CEACAM21: variants seen among roughly 807,000 people sequenced by gnomAD.
CEACAM21 encodes cell adhesion molecule CEACAM21.
A neutral mutation model predicts 33.2 loss-of-function variants in CEACAM21; 38 were observed. The ratio of observed to expected loss-of-function variants is 1.14; its 90% CI spans 0.88 to 1.50. The LOEUF is 1.50. CEACAM21 is among the 40% of genes most tolerant of loss of function. CEACAM21 has a pLI of 0.00. For missense variants in CEACAM21, 385 were observed against 364.6 expected (o/e 1.06, Z -0.46); for synonymous variants, 156 against 143.0 (o/e 1.09, Z -0.65).
chr19:41,585,636 C>A, intron 5 of CEACAM21, 141 bp downstream of exon 5: 2 of 1,096,880 alleles, frequency 1.8e-6, no homozygotes, highest in Non-Finnish European at 2.7e-6. Context: ...ACACAGGAAA[C>A]CCCAACTGGC....
At chr19:41,562,454 A>G (rs1156427158) in intron 1 of CEACAM21, among the ~76,000 whole-genome samples, 3 of 152,198 alleles carry the variant, frequency 2.0e-5, no homozygotes, top group African/African-American at 4.8e-5. Flanking sequence ...AAGATGTCAC[A>G]TCCTAAAATT....
At chr19:41,553,393 T>A (rs140912709) in intron 1 of CEACAM21, among the ~76,000 whole-genome samples, 2 of 152,182 alleles carry the variant, frequency 1.3e-5, no homozygotes, top group Non-Finnish European at 2.9e-5. Flanking sequence ...AGTGAGCCAC[T>A]GCACCCGACC....
At chr19:41,576,071 C>A, upstream of CEACAM21, 1 of 607,690 alleles carries the variant, frequency 1.6e-6, no homozygotes, top group Non-Finnish European at 2.9e-6. Flanking sequence ...ACAAGGGAGG[C>A]AGGACTGAGA....
intron 1 of CEACAM21, among the ~76,000 whole-genome samples, chr19:41,561,668 C>T (rs2041891031): frequency 6.6e-6 from 1 of 152,322 alleles, no homozygotes; most frequent in African/African-American, 2.4e-5. Context: ...CAAGTTGTCT[C>T]ATAAAGCTCT....
chr19:41,580,674 C>A (rs1230475881), intron 3 of CEACAM21, among the ~76,000 whole-genome samples: 1 of 152,178 alleles, frequency 6.6e-6, no homozygotes, highest in Non-Finnish European at 1.5e-5. Flanking sequence ...AGCTTCCATG[C>A]CCTCCCCAGA....
chr19:41,585,644 G>A (rs1555795150), intron 5 of CEACAM21, 149 bp downstream of exon 5: 2 of 1,077,064 alleles, frequency 1.9e-6, no homozygotes, highest in Non-Finnish European at 2.7e-6. Flanking sequence ...AACCCCAACT[G>A]GCCGGGTCAG....
intron 1 of CEACAM21, among the ~76,000 whole-genome samples, chr19:41,556,565 A>G (rs1254492582): frequency 1.3e-5 from 2 of 152,274 alleles, no homozygotes; most frequent in Non-Finnish European, 2.9e-5. Context: ...GCCAACACAA[A>G]GAATTGCGAT....
chr19:41,571,530 C>G (rs577052296), upstream of CEACAM21, among the ~76,000 whole-genome samples: 1 of 152,294 alleles, frequency 6.6e-6, no homozygotes, highest in South Asian at 2.1e-4. Flanking sequence ...CTCTGATGCT[C>G]TCACCATCCT....
At chr19:41,586,373 C>A in intron 6 of CEACAM21, 91 bp from the exon 7 acceptor site, 2 of 611,232 alleles carry the variant, frequency 3.3e-6, no homozygotes, top group South Asian at 1.4e-5. Context: ...CAGGTTCAGT[C>A]CCAGAGTAGC....
At chr19:41,576,562 A>G (rs782523670) in intron 1 of CEACAM21, among the ~76,000 whole-genome samples, 1 of 152,258 alleles carries the variant, frequency 6.6e-6, no homozygotes, top group African/African-American at 2.4e-5. Flanking sequence ...AGTGGCCACT[A>G]CACTTTGAAA....
chr19:41,567,646 A>G (rs897666994), intron 2 of CEACAM21, among the ~76,000 whole-genome samples: 1 of 152,188 alleles, frequency 6.6e-6, no homozygotes, highest in African/African-American at 2.4e-5. Context: ...GGTCACCTAT[A>G]TTTGGTTACC....
At chr19:41,583,440 G>A (rs62119454) in intron 3 of CEACAM21, among the ~76,000 whole-genome samples, 4,482 of 152,142 alleles carry the variant, frequency 0.029, 159 homozygotes, top group African/African-American at 0.089. Context: ...ACATTTTCAG[G>A]TATCTTTATA....
intron 1 of CEACAM21, chr19:41,552,196 T>C (rs1555784547): frequency 6.6e-6 from 1 of 152,204 alleles, no homozygotes; most frequent in Non-Finnish European, 1.5e-5. Flanking sequence ...GACCTTTCTC[T>C]GGAGCCTCAG....
intron 3 of CEACAM21, among the ~76,000 whole-genome samples, chr19:41,583,191 AC>A (rs1428741346): frequency 6.6e-6 from 1 of 152,192 alleles, no homozygotes; most frequent in Non-Finnish European, 1.5e-5. Context: ...GGGGCAAAAT[AC>A]CACCAATCTC....
chr19:41,573,062 GAGA>G (rs1242192589), upstream of CEACAM21, among the ~76,000 whole-genome samples: 2 of 152,202 alleles, frequency 1.3e-5, no homozygotes, highest in Non-Finnish European at 2.9e-5. Flanking sequence ...GGCAATGAGA[GAGA>G]AGGAGATGGA....
At chr19:41,563,409 G>C (rs2042026800) in intron 1 of CEACAM21, among the ~76,000 whole-genome samples, 1 of 152,210 alleles carries the variant, frequency 6.6e-6, no homozygotes, top group African/African-American at 2.4e-5. Context: ...ATCCCAGCCA[G>C]GGAAGGAACC....
Position 41,586,612 on chromosome 19 carries a change from G to A in CEACAM21, c.*149G>A, listed in dbSNP as rs2070752200. On this transcript the variant is annotated 3_prime_UTR_variant, in exon 7 of 7. Coordinates refer to ENST00000401445, the MANE Select transcript of CEACAM21 (RefSeq NM_001098506.4). ...GGGGATGGGGAAGGACATGGAGCCT[G>A]AGCCAGAGAACCAGCTCTGAGTCCT... 2 of 578,382 alleles carry A rather than the reference G, an allele frequency of 3.5e-6. No homozygotes were observed. The highest frequency in any genetic ancestry group is 6.7e-6 in the Non-Finnish European group (2 of 296,298). 35.8% of individuals were successfully genotyped at this position (578,382 alleles called of 1,614,324 possible). A position where few individuals can be genotyped will look rare whatever the true frequency, so the allele number is the denominator to read the frequency against.
chr19:41,562,373 G>T (rs755479686), intron 1 of CEACAM21, among the ~76,000 whole-genome samples: 47 of 151,116 alleles, frequency 3.1e-4, no homozygotes, highest in Non-Finnish European at 4.3e-4. Flanking sequence ...AGTTGACAAA[G>T]AATCTGTGTC....
At chr19:41,562,734 CT>C (rs59956903) in intron 1 of CEACAM21, among the ~76,000 whole-genome samples, 32,793 of 146,466 alleles carry the variant, frequency 0.22, 6,587 homozygotes, top group African/African-American at 0.54. Flanking sequence ...TTTCTTTTTT[CT>C]TTTTTTTTTT....
Sources: allele counts gnomAD v4.1 joint callset (sites outside exome capture counted in the v4.1 genomes callset), GRCh38; gene constraint gnomAD v4.1.1; transcripts MANE v1.5; gene names NCBI Gene and HGNC (gene_info 2026-07-23, HGNC 2026-07-21).